The following PRKACB variants were observed in gnomAD, a reference collection of about 807,000 sequenced individuals.
PRKACB encodes protein kinase cAMP-activated catalytic subunit beta, also known as cAMP-dependent protein kinase catalytic subunit beta.
A neutral mutation model predicts 51.4 loss-of-function variants in PRKACB; 16 were observed. The ratio of observed to expected loss-of-function variants is 0.31; its 90% CI spans 0.21 to 0.47. PRKACB has a LOEUF of 0.47. Among genes scored for constraint, PRKACB ranks in the 20% least tolerant of loss-of-function variants. The pLI is 1.00. For missense variants in PRKACB, 309 were observed against 464.5 expected (o/e 0.67, Z 3.08); for synonymous variants, 147 against 154.4 (o/e 0.95, Z 0.35).
intron 1 of PRKACB, among the ~76,000 whole-genome samples, chr1:84,114,022 C>T (rs1557954397): frequency 6.6e-6 from 1 of 152,074 alleles, no homozygotes; most frequent in Non-Finnish European, 1.5e-5. Flanking sequence ...TGATTAATAG[C>T]TAGGGACTTT....
At chr1:84,173,191 T>G (rs1660102612) in intron 1 of PRKACB, 1 of 526,424 alleles carries the variant, frequency 1.9e-6, no homozygotes, top group Non-Finnish European at 3.2e-6. Context: ...ATATAATACA[T>G]TTTTGGTATG....
Position 84,185,176 on chromosome 1 carries a change from G to A in PRKACB, c.554G>A (p.Arg185Lys), listed in dbSNP as rs1664714645. 5 of 1,505,418 alleles carry A rather than the reference G, an allele frequency of 3.3e-6. No individual in the cohort carries two copies. The East Asian group carries it at 1.1e-4, about 32-fold the overall frequency. 93.3% of individuals were successfully genotyped at this position (1,505,418 alleles called of 1,614,324 possible). A position where few individuals can be genotyped will look rare whatever the true frequency, so the allele number is the denominator to read the frequency against. Reference protein sequence around the residue: ...EMFSHLRRIGRFSEPHARFYA... With the variant: ...EMFSHLRRIGKFSEPHARFYA... ...TTTTCACATCTAAGAAGAATTGGAA[G>A]GTTCAGGTAACTAATGGTTTTGCTT... Residue 185 changes from arginine to lysine, a missense_variant, in exon 5 of 10, where the codon AGG (arginine) becomes AAG (lysine). Arg to Lys is a conservative substitution (Grantham distance 26, BLOSUM62 2). Transcript: ENST00000370685.
At chr1:84,114,871 A>AT (rs1438962508) in intron 1 of PRKACB, among the ~76,000 whole-genome samples, 3 of 152,178 alleles carry the variant, frequency 2.0e-5, no homozygotes, top group Admixed American at 6.5e-5. Context: ...ACAAGATTTC[A>AT]TTTTTTTATG....
intron 1 of PRKACB, among the ~76,000 whole-genome samples, chr1:84,139,012 G>GA (rs1193431812): frequency 3.3e-5 from 5 of 150,110 alleles, no homozygotes; most frequent in Admixed American, 6.6e-5. Context: ...ACTAACCCAG[G>GA]AAAAAAAAAG....
chr1:84,116,292 C>T (rs1305933884), intron 1 of PRKACB, among the ~76,000 whole-genome samples: 3 of 151,994 alleles, frequency 2.0e-5, no homozygotes, highest in East Asian at 1.9e-4. Context: ...CCTCCAGCTT[C>T]GTTCTTTTTG....
chr1:84,178,495 A>G (rs1427605568), intron 1 of PRKACB, among the ~76,000 whole-genome samples: 2 of 152,120 alleles, frequency 1.3e-5, no homozygotes, highest in Non-Finnish European at 2.9e-5. Context: ...ATCAATATAC[A>G]AACACTTGGT....
chr1:84,211,591 G>A (rs889826335), intron 8 of PRKACB, among the ~76,000 whole-genome samples: 1 of 152,066 alleles, frequency 6.6e-6, no homozygotes, highest in South Asian at 2.1e-4. Context: ...GAAGGTTCCT[G>A]ATAATGACTA....
At chr1:84,186,077 CTGAT>C (rs967361876) in intron 5 of PRKACB, among the ~76,000 whole-genome samples, 2 of 152,048 alleles carry the variant, frequency 1.3e-5, no homozygotes, top group Admixed American at 6.6e-5. Flanking sequence ...CTGGCAAGCT[CTGAT>C]TGGTGAGTGA....
intron 1 of PRKACB, among the ~76,000 whole-genome samples, chr1:84,132,854 A>G (rs889520152): frequency 4.6e-5 from 7 of 152,150 alleles, no homozygotes; most frequent in African/African-American, 1.7e-4. Context: ...ATAATGAGAA[A>G]ACAAAAACAG....
intron 1 of PRKACB, among the ~76,000 whole-genome samples, chr1:84,170,704 A>C (rs570870442): frequency 6.6e-6 from 1 of 151,766 alleles, no homozygotes; most frequent in East Asian, 1.9e-4. Context: ...TAGATACAAC[A>C]GGATTAGAAC....
intron 1 of PRKACB, among the ~76,000 whole-genome samples, chr1:84,114,072 G>A (rs889856043): frequency 1.5e-4 from 23 of 152,110 alleles, no homozygotes; most frequent in African/African-American, 5.1e-4. Context: ...ACCAACACTT[G>A]TAGGAAGGAT....
intron 1 of PRKACB, among the ~76,000 whole-genome samples, chr1:84,087,477 G>A (rs1363872096): frequency 2.0e-5 from 3 of 151,708 alleles, no homozygotes; most frequent in African/African-American, 7.3e-5. Flanking sequence ...GTTTAAAGGT[G>A]AAACATGTGT....
intron 1 of PRKACB, among the ~76,000 whole-genome samples, chr1:84,129,552 A>G (rs1651966637): frequency 6.6e-6 from 1 of 152,166 alleles, no homozygotes; most frequent in African/African-American, 2.4e-5. Context: ...TCACACTGAG[A>G]TTAAGGTGAA....
In PRKACB at chr1:84,202,668, G is replaced by A. The variant is rs2101431045; in HGVS notation, c.784-15G>A. The A allele has an allele frequency of 6.3e-7, 1 of 1,584,188 alleles. No individual in the cohort carries two copies. On this transcript the variant is annotated splice_polypyrimidine_tract_variant and intron_variant, in intron 7 of 9. Coordinates refer to ENST00000370685, the MANE Select transcript of PRKACB (RefSeq NM_182948.4). The stretch of plus-strand genomic sequence containing the variant: ...AACTTAAGTAACAATTGACATTGGT[G>A]TTGGTTTATCTCAGGGCTACAATAA...
At chr1:84,196,853 T>A (rs1324784574) in intron 6 of PRKACB, 111 bp downstream of exon 6, 1 of 1,166,690 alleles carries the variant, frequency 8.6e-7, no homozygotes, top group Non-Finnish European at 1.2e-6. Context: ...TTTCTCCTAA[T>A]AGTTTAAGTA....
intron 8 of PRKACB, chr1:84,204,648 T>A: frequency 8.8e-7 from 1 of 1,135,832 alleles, no homozygotes; most frequent in East Asian, 2.9e-5. Context: ...GAAGAATATT[T>A]TACTAATACA....
rs557042332 is a variant in PRKACB at position 84,086,162 on chromosome 1, G to A, written c.46+7791G>A. 164 of 1,597,782 alleles carry A rather than the reference G, an allele frequency of 1.0e-4. 1 individual carries two copies. In the South Asian group the frequency reaches 1.7e-3, roughly 17 times the overall value. On this transcript the variant is annotated intron_variant, in intron 1 of 8. Coordinates refer to the PRKACB transcript ENST00000370688. ...TGTGCTGGCCATGAAGAATGGGGAT[G>A]TGGTGGACAAGTTTGTGGGCATCAA...
intron 1 of PRKACB, among the ~76,000 whole-genome samples, chr1:84,166,745 A>C (rs920291733): frequency 6.6e-6 from 1 of 151,684 alleles, no homozygotes; most frequent in African/African-American, 2.4e-5. Context: ...TGTGATATTT[A>C]TGTGTACATG....
chr1:84,127,250 A>G (rs1321717204), intron 1 of PRKACB, among the ~76,000 whole-genome samples: 1 of 152,230 alleles, frequency 6.6e-6, no homozygotes, highest in African/African-American at 2.4e-5. Flanking sequence ...TTGAACAATT[A>G]CAAAATAGTA....
Sources: gnomAD v4.1 joint callset for allele counts (sites outside exome capture counted in the v4.1 genomes callset) on GRCh38, gnomAD v4.1.1 for gene constraint, MANE v1.5 for transcripts, NCBI Gene and HGNC (gene_info 2026-07-23, HGNC 2026-07-21) for gene names.